The following ATP8A2 variants were observed in gnomAD, a reference collection of about 807,000 sequenced individuals.
The protein encoded by ATP8A2 is phospholipid-transporting ATPase IB.
Under a neutral mutation model 165.6 loss-of-function variants are expected in ATP8A2, and 100 were observed. That is an observed-to-expected ratio of 0.60 (90% CI 0.51 to 0.71). ATP8A2 has a LOEUF of 0.71. Among genes scored for constraint, ATP8A2 ranks in the 30% least tolerant of loss-of-function variants. The pLI, the probability that ATP8A2 is intolerant of heterozygous loss-of-function variation, is 0.00. For missense variants in ATP8A2, 1,227 were observed against 1,479.5 expected (o/e 0.83, Z 2.80); for synonymous variants, 543 against 548.8 (o/e 0.99, Z 0.15).
intron 33 of ATP8A2, among the ~76,000 whole-genome samples, chr13:25,958,915 T>A (rs571358265): frequency 6.6e-6 from 1 of 152,250 alleles, no homozygotes; most frequent in Non-Finnish European, 1.5e-5. Flanking sequence ...TTCTTATTGA[T>A]ACATAATATT....
intron 33 of ATP8A2, among the ~76,000 whole-genome samples, chr13:25,914,429 T>G (rs1049005551): frequency 2.0e-5 from 3 of 152,198 alleles, no homozygotes; most frequent in African/African-American, 7.2e-5. Flanking sequence ...TACTTGAAAA[T>G]AAAATCTATT....
Position 25,446,153 on chromosome 13 carries a change from A to G in ATP8A2, c.77-22824A>G, listed in dbSNP as rs921450919. On this transcript the variant is annotated intron_variant, in intron 1 of 36. Coordinates refer to ENST00000381655, the MANE Select transcript of ATP8A2 (RefSeq NM_016529.6). ...TTCAGTTTCACCCTTGGGCTGTCCT[A>G]TCAGTCTCTGCTCCCCTGGCTGTCC... Among the ~76,000 whole-genome samples the G allele has an allele frequency of 1.1e-4, 16 of 152,210 alleles. 2 individuals are homozygous for G. The highest frequency in any genetic ancestry group is 8.5e-4 in the Admixed American group (13 of 15,286).
rs751729434 is a variant in ATP8A2 at position 25,828,237 on chromosome 13, C to T, written c.2754+45C>T. Reference sequence around the variant, plus strand: ...ATCTGATAGCATGCAGAACTTAGAACTTCAGTGACATTCCTTCACTGTTTA... The same window carrying T: ...ATCTGATAGCATGCAGAACTTAGAATTTCAGTGACATTCCTTCACTGTTTA... On this transcript the variant is annotated intron_variant, in intron 28 of 36. Coordinates refer to ENST00000381655, the MANE Select transcript of ATP8A2 (RefSeq NM_016529.6). 45 of 1,428,560 alleles carry T rather than the reference C, an allele frequency of 3.2e-5. 1 individual carries two copies. Among genetic ancestry groups the T allele is most frequent in the African/African-American group, 5.6e-5 (4 of 71,210 alleles). 88.5% of individuals were successfully genotyped at this position (1,428,560 alleles called of 1,614,324 possible).
chr13:25,805,761 T>C (rs1029145220), intron 27 of ATP8A2, among the ~76,000 whole-genome samples: 1 of 152,148 alleles, frequency 6.6e-6, no homozygotes, highest in African/African-American at 2.4e-5. Flanking sequence ...CGTGGAAATA[T>C]TTAAATTACT....
At chr13:25,627,472 A>G (rs1312326932) in intron 24 of ATP8A2, among the ~76,000 whole-genome samples, 3 of 152,168 alleles carry the variant, frequency 2.0e-5, no homozygotes, top group Admixed American at 6.5e-5. Context: ...AAATGAAATC[A>G]TAAGGGTAGA....
chr13:25,745,840 C>A (rs938686564), intron 25 of ATP8A2, among the ~76,000 whole-genome samples: 3 of 152,118 alleles, frequency 2.0e-5, no homozygotes, highest in Admixed American at 2.0e-4. Context: ...TTGAATCATC[C>A]TCTAGTTCAG....
chr13:25,800,397 G>A (rs968885756), intron 27 of ATP8A2, among the ~76,000 whole-genome samples: 4 of 152,160 alleles, frequency 2.6e-5, no homozygotes, highest in Non-Finnish European at 5.9e-5. Flanking sequence ...GATCAGTCCT[G>A]AAAAGTCAAC....
chr13:25,918,065 G>A (rs1330285733), intron 33 of ATP8A2, among the ~76,000 whole-genome samples: 4 of 152,186 alleles, frequency 2.6e-5, no homozygotes, highest in African/African-American at 7.2e-5. Flanking sequence ...AGAGGGACAT[G>A]TTTTTAGATT....
At chr13:25,794,863 TC>T (rs1485340332) in intron 27 of ATP8A2, among the ~76,000 whole-genome samples, 1 of 100,626 alleles carries the variant, frequency 9.9e-6, no homozygotes, top group East Asian at 3.1e-4. Context: ...ACACACACCT[TC>T]TCTCTCTCTC....
chr13:25,585,948 A>C (rs2039909516), intron 23 of ATP8A2, among the ~76,000 whole-genome samples: 1 of 152,258 alleles, frequency 6.6e-6, no homozygotes, highest in Non-Finnish European at 1.5e-5. Flanking sequence ...GACAAATCAG[A>C]GAATGAAACA....
chr13:25,970,052 T>C (rs369043937), intron 35 of ATP8A2, among the ~76,000 whole-genome samples: 1 of 152,146 alleles, frequency 6.6e-6, no homozygotes, highest in East Asian at 1.9e-4. Context: ...CATAATGAAA[T>C]TAATAAATGT....
chr13:25,809,311 A>C (rs1226475362), intron 27 of ATP8A2, among the ~76,000 whole-genome samples: 2 of 152,182 alleles, frequency 1.3e-5, no homozygotes, highest in African/African-American at 4.8e-5. Flanking sequence ...ACAAACCTGT[A>C]CATGTACCCC....
chr13:25,685,123 A>G (rs1377555740), intron 24 of ATP8A2, among the ~76,000 whole-genome samples: 1 of 152,014 alleles, frequency 6.6e-6, no homozygotes, highest in Non-Finnish European at 1.5e-5. Flanking sequence ...CTCCATCTCT[A>G]TGAAGGCTGA....
chr13:25,737,749 C>T (rs2043806032), intron 25 of ATP8A2, among the ~76,000 whole-genome samples: 1 of 152,206 alleles, frequency 6.6e-6, no homozygotes, highest in Admixed American at 6.5e-5. Context: ...GTAGCGCGAT[C>T]TCAGTTCACT....
intron 24 of ATP8A2, among the ~76,000 whole-genome samples, chr13:25,645,075 C>T (rs994353071): frequency 2.0e-5 from 3 of 151,826 alleles, no homozygotes; most frequent in Non-Finnish European, 2.9e-5. Context: ...TGTATTAGTC[C>T]GTTTTCATGC....
chr13:25,458,425 T>C (rs935894490), intron 1 of ATP8A2, among the ~76,000 whole-genome samples: 3 of 152,228 alleles, frequency 2.0e-5, no homozygotes, highest in Admixed American at 6.5e-5. Flanking sequence ...GTGTTGCCCA[T>C]GCTGGCCTTA....
chr13:25,434,474 G>A (rs1448448630), intron 1 of ATP8A2, among the ~76,000 whole-genome samples: 3 of 151,816 alleles, frequency 2.0e-5, no homozygotes, highest in African/African-American at 4.8e-5. Context: ...TCAGCCATCC[G>A]AGTAGCTGGG....
rs1272117053 is a variant in ATP8A2 at position 25,932,060 on chromosome 13, AAAG to A, written c.3184-29512_3184-29510del. Among the ~76,000 whole-genome samples the A allele has an allele frequency of 1.8e-4, 26 of 147,022 alleles. 1 individual carries two copies. The highest frequency in any genetic ancestry group is 4.0e-4 in the Admixed American group (6 of 14,970). On this transcript the variant is annotated intron_variant, in intron 33 of 36. Coordinates refer to ENST00000381655, the MANE Select transcript of ATP8A2 (RefSeq NM_016529.6). ...TGAAACTCCATCTCAAAAAAAAAAA[AAAG>A]AAAGAAAGAAAGGGGAAAGCTGGAG...
intron 24 of ATP8A2, among the ~76,000 whole-genome samples, chr13:25,604,214 A>T (rs969119831): frequency 1.3e-5 from 2 of 152,168 alleles, no homozygotes; most frequent in Non-Finnish European, 2.9e-5. Context: ...AACTGGAACA[A>T]AGTCTTTCAA....
Sources: allele counts gnomAD v4.1 joint callset (sites outside exome capture counted in the v4.1 genomes callset), GRCh38; gene constraint gnomAD v4.1.1; transcripts MANE v1.5; gene names NCBI Gene and HGNC (gene_info 2026-07-23, HGNC 2026-07-21).